Variants in LDLRAD4 observed in about 807,000 individuals in gnomAD.
The protein encoded by LDLRAD4 is low density lipoprotein receptor class A domain containing 4, also known as low-density lipoprotein receptor class A domain-containing protein 4.
A neutral mutation model predicts 17.0 loss-of-function variants in LDLRAD4; 5 were observed. The observed-to-expected ratio is 0.29, with a 90% CI of 0.15 to 0.62. The LOEUF (loss-of-function observed/expected upper bound fraction) is 0.62, where lower values mean the gene tolerates loss of function less well. LDLRAD4 is among the 20% of genes least tolerant of loss of function. LDLRAD4 has a pLI of 0.84. For synonymous variants in LDLRAD4, 168 were observed against 171.8 expected (o/e 0.98, Z 0.17); for missense variants, 340 against 424.7 (o/e 0.80, Z 1.75).
chr18:13,612,549 C>G (rs988991288), intron 3 of LDLRAD4: 3 of 1,436,080 alleles, frequency 2.1e-6, no homozygotes, highest in South Asian at 1.5e-5. Context: ...AAACACACCC[C>G]CCCCCCCTCC....
rs866847979 is a variant in LDLRAD4, at chr18:13,509,141, A to T, written c.181+70757A>T. ...CAACACAGGGAGACATCATCTGTAC[A>T]CAAAATTTAAAACAAAAACAAAAAC... On this transcript the variant is annotated intron_variant, in intron 3 of 5. Transcript: ENST00000359446. Among the ~76,000 whole-genome samples the T allele has an allele frequency of 2.0e-5, 3 of 152,332 alleles. No individual in the cohort carries two copies. The South Asian group carries it at 6.2e-4, about 32-fold the overall frequency.
intron 3 of LDLRAD4, among the ~76,000 whole-genome samples, chr18:13,453,258 A>T (rs1273680078): frequency 6.6e-6 from 1 of 152,134 alleles, no homozygotes; most frequent in Non-Finnish European, 1.5e-5. Context: ...GAGGCCCGTG[A>T]ACTGGTGTCC....
At chr18:13,330,092 A>G (rs529941415) in intron 1 of LDLRAD4, among the ~76,000 whole-genome samples, 6 of 151,938 alleles carry the variant, frequency 3.9e-5, no homozygotes, top group Admixed American at 6.6e-5. Flanking sequence ...AGTAGCTGGG[A>G]CTACAGGCGC....
At chr18:13,480,602 A>T (rs148670848) in intron 3 of LDLRAD4, among the ~76,000 whole-genome samples, 2 of 152,230 alleles carry the variant, frequency 1.3e-5, no homozygotes, top group Non-Finnish European at 2.9e-5. Context: ...AAGCGTAATG[A>T]TGCGCCACTC....
chr18:13,493,228 AGTCTGCTCATACTGGGAAAGTGTAT>A (rs2093395352), intron 3 of LDLRAD4, among the ~76,000 whole-genome samples: 2 of 152,206 alleles, frequency 1.3e-5, no homozygotes, highest in Non-Finnish European at 2.9e-5. Context: ...CATTTCCACA[AGTCTGCTCATACTGGGAAAGTGTAT>A]GTCCTCACCC....
At chr18:13,623,480 C>G (rs1255650091) in intron 4 of LDLRAD4, among the ~76,000 whole-genome samples, 1 of 152,222 alleles carries the variant, frequency 6.6e-6, no homozygotes, top group African/African-American at 2.4e-5. Flanking sequence ...TTCTGAGTAA[C>G]CTGGAACTGG....
In LDLRAD4 at chr18:13,591,080, C is replaced by T. The variant is rs535058787; in HGVS notation, c.182-30037C>T. ...GGGAGTTTTGAGGCTGTTTTATTGT[C>T]CTTGAACAATTACAGTCTCTGAAAG... On this transcript the variant is annotated intron_variant, in intron 3 of 5. Coordinates refer to ENST00000359446, the Ensembl canonical transcript of LDLRAD4. Among the ~76,000 whole-genome samples, 6 of 152,226 alleles carry T rather than the reference C, an allele frequency of 3.9e-5. No individual in the cohort carries two copies. The East Asian group carries it at 5.8e-4, about 15-fold the overall frequency.
intron 2 of LDLRAD4, among the ~76,000 whole-genome samples, chr18:13,421,915 C>G (rs573486642): frequency 1.3e-5 from 2 of 152,334 alleles, no homozygotes; most frequent in South Asian, 2.1e-4. Context: ...GGGCCCCTGC[C>G]GTGCCTATGC....
intron 1 of LDLRAD4, among the ~76,000 whole-genome samples, chr18:13,267,348 C>T (rs1468005411): frequency 6.6e-6 from 1 of 152,210 alleles, no homozygotes; most frequent in Non-Finnish European, 1.5e-5. Flanking sequence ...TGTGTGCACA[C>T]AGGCCTGCAG....
chr18:13,642,185 T>C (rs2042633110), intron 4 of LDLRAD4: 7 of 985,396 alleles, frequency 7.1e-6, no homozygotes, highest in Non-Finnish European at 7.2e-6. Context: ...AGGGCCGTGT[T>C]GGACAAACGC....
rs535069987 is a variant in LDLRAD4 at position 13,222,017 on chromosome 18, C to A, written c.-467+3029C>A. ...TTCCCAGAACCCACTAACACTCCGG[C>A]AGCCTGCCAGACTCCACTTAACGAG... is the stretch of plus-strand genomic sequence containing the variant. On this transcript the variant is annotated intron_variant, in intron 1 of 5. Transcript: ENST00000399848. Among the ~76,000 whole-genome samples the A allele has an allele frequency of 5.0e-3, 768 of 152,336 alleles. 4 individuals carry two copies. Among genetic ancestry groups the A allele is most frequent in the Non-Finnish European group, 8.4e-3 (573 of 68,030 alleles).
At chr18:13,518,857 C>G (rs1484211212) in intron 3 of LDLRAD4, among the ~76,000 whole-genome samples, 1 of 152,058 alleles carries the variant, frequency 6.6e-6, no homozygotes, top group Non-Finnish European at 1.5e-5. Flanking sequence ...ATAGTTGTTC[C>G]CATCCTTTCA....
intron 3 of LDLRAD4, among the ~76,000 whole-genome samples, chr18:13,548,285 G>A (rs2094392933): frequency 9.1e-6 from 1 of 110,012 alleles, no homozygotes; most frequent in Admixed American, 8.4e-5. Context: ...GCCAGAAGGT[G>A]GGGTTAGTCA....
chr18:13,322,035 A>G (rs1478420885), intron 1 of LDLRAD4, among the ~76,000 whole-genome samples: 1 of 151,342 alleles, frequency 6.6e-6, no homozygotes, highest in East Asian at 1.9e-4. Flanking sequence ...TGTTCTTTTT[A>G]TTGAAACACA....
At chr18:13,306,722 G>A (rs73419349) in intron 1 of LDLRAD4, among the ~76,000 whole-genome samples, 1 of 152,156 alleles carries the variant, frequency 6.6e-6, no homozygotes, top group Non-Finnish European at 1.5e-5. Context: ...AATTCCTGCT[G>A]CAGAAAACTC....
intron 3 of LDLRAD4, among the ~76,000 whole-genome samples, chr18:13,530,803 G>C (rs2094115215): frequency 6.6e-6 from 1 of 150,676 alleles, no homozygotes; most frequent in South Asian, 2.1e-4. Flanking sequence ...CGAGCCAGGA[G>C]GAAGGGGATG....
intron 3 of LDLRAD4, among the ~76,000 whole-genome samples, chr18:13,596,837 C>T (rs560577016): frequency 2.0e-5 from 3 of 152,304 alleles, no homozygotes; most frequent in Admixed American, 1.3e-4. Context: ...TCCCACTCAC[C>T]TCCTCTGTGT....
chr18:13,318,523 A>G (rs2081052642), intron 1 of LDLRAD4, among the ~76,000 whole-genome samples: 1 of 152,162 alleles, frequency 6.6e-6, no homozygotes, highest in South Asian at 2.1e-4. Context: ...TAGCCTCCCA[A>G]AATGCTGGGA....
intron 1 of LDLRAD4, among the ~76,000 whole-genome samples, chr18:13,265,370 C>T (rs1170587312): frequency 6.6e-6 from 1 of 152,212 alleles, no homozygotes; most frequent in African/African-American, 2.4e-5. Context: ...GGGTCTCTGT[C>T]TCCAGCCCCC....
Sources: gnomAD v4.1 joint callset for allele counts (sites outside exome capture counted in the v4.1 genomes callset) on GRCh38, gnomAD v4.1.1 for gene constraint, MANE v1.5 for transcripts, NCBI Gene and HGNC (gene_info 2026-07-23, HGNC 2026-07-21) for gene names.